The following GPR158 variants were observed in gnomAD, a reference collection of about 807,000 sequenced individuals.
GPR158 encodes the protein metabotropic glycine receptor.
In GPR158, 30 loss-of-function variants were observed where a neutral mutation model predicts 78.2. The observed-to-expected ratio is 0.38, with a 90% CI of 0.29 to 0.52. The LOEUF (loss-of-function observed/expected upper bound fraction) is 0.52. Among genes scored for constraint, GPR158 ranks in the 20% least tolerant of loss-of-function variants. The pLI, the probability that GPR158 is intolerant of heterozygous loss-of-function variation, is 0.83. For synonymous variants in GPR158, 581 were observed against 591.1 expected, an observed-to-expected ratio of 0.98 and a Z score of 0.25; for missense variants, 1,463 against 1,523.5, an observed-to-expected ratio of 0.96 and a Z score of 0.66.
At chr10:25,341,864 A>G (rs1435974259) in intron 2 of GPR158, among the ~76,000 whole-genome samples, 1 of 151,874 alleles carries the variant, frequency 6.6e-6, no homozygotes, top group Admixed American at 6.6e-5. Flanking sequence ...AAAAAAAAAC[A>G]GAGCAAATGA....
chr10:25,392,824 A>T (rs919961119), intron 2 of GPR158, among the ~76,000 whole-genome samples: 3 of 150,670 alleles, frequency 2.0e-5, no homozygotes, highest in Non-Finnish European at 4.4e-5. Context: ...AATTCTTCAT[A>T]AAAAAAAATA....
intron 2 of GPR158, among the ~76,000 whole-genome samples, chr10:25,372,848 T>TAAAGTG (rs56306794): frequency 6.6e-6 from 1 of 151,272 alleles, no homozygotes; most frequent in Non-Finnish European, 1.5e-5. Context: ...CCCTAAAACT[T>TAAAGTG]TAATAATAAT....
Position 25,596,693 on chromosome 10 carries a change from T to C in GPR158, c.2049T>C (p.Tyr683=), listed in dbSNP as rs749173241. Residue 683 remains tyrosine, a synonymous_variant, in exon 10 of 11, where the codon TAT becomes TAC. Transcript: ENST00000376351. The part of the protein sequence containing the change: ...NPRDDIATEA[Y]EDELDMGRSG... ...GAGATGATATTGCTACAGAAGCATA[T>C]GAGGATGAGCTAGACATGGGCCGAT... 1.2e-6 allele frequency: 2 copies of C among 1,613,350 alleles called. No homozygotes were observed. The highest frequency in any genetic ancestry group is 1.7e-6 in the Non-Finnish European group (2 of 1,179,502).
chr10:25,350,316 G>T (rs1197125294), intron 2 of GPR158, among the ~76,000 whole-genome samples: 1 of 151,898 alleles, frequency 6.6e-6, no homozygotes, highest in Non-Finnish European at 1.5e-5. Flanking sequence ...ATAAAATTTT[G>T]TTGGCAGGGT....
At position 25,466,677 on chromosome 10, in the gene GPR158, G is replaced by C. The variant is rs150066085; in HGVS notation, c.1362G>C (p.Leu454=). 341 of 1,607,350 alleles carry C rather than the reference G, an allele frequency of 2.1e-4. 1 individual carries two copies. The African/African-American group carries it at 3.9e-3, about 18-fold the overall frequency. The change falls in exon 5 of 11, where the codon CTG becomes CTC. Residue 454 remains leucine, a synonymous_variant. Transcript: ENST00000376351. The part of the protein sequence containing the change: ...AKSIRASGLI[L]LETILFGSLL... ...GCATCCGGGCATCGGGCCTTATCCT[G>C]TTGGAAACGATCCTTTTTGGATCTC... is the stretch of plus-strand genomic sequence containing the variant.
chr10:25,478,518 G>GTGTGTC lies in GPR158; in HGVS notation c.1404+11804_1404+11805insCTGTGT, dbSNP rs1554807431. Among the ~76,000 whole-genome samples the GTGTGTC allele has an allele frequency of 2.8e-3, 418 of 150,414 alleles. 57 individuals are homozygous for GTGTGTC. The highest frequency in any genetic ancestry group is 0.023 in the East Asian group (117 of 5,072). The stretch of plus-strand genomic sequence containing the variant: ...CGTGTGTGTGTGTGTGTGTGTGTGT[G>GTGTGTC]TGTGTGTGTAGAGAGAAGAGAAAGA... On this transcript the variant is annotated intron_variant, in intron 5 of 10. Coordinates refer to ENST00000376351, the MANE Select transcript of GPR158 (RefSeq NM_020752.3).
intron 5 of GPR158, among the ~76,000 whole-genome samples, chr10:25,483,130 C>G (rs573646703): frequency 6.6e-5 from 10 of 152,110 alleles, no homozygotes; most frequent in African/African-American, 2.4e-4. Flanking sequence ...ATTTTCAACA[C>G]AGTAGCAAGA....
rs1056396943 is a variant in GPR158, at chr10:25,538,201, G to A, written c.1405-12775G>A. On this transcript the variant is annotated intron_variant, in intron 5 of 10. Transcript: ENST00000376351. ...AACAAGAAGCCAAATCAGAGCCAAA[G>A]CTTCAGATTTGCCGTTGTTGTTGTT... Among the ~76,000 whole-genome samples, 46 of 149,746 alleles carry A rather than the reference G, an allele frequency of 3.1e-4. 1 individual carries two copies. The highest frequency in any genetic ancestry group is 9.0e-5 in the Non-Finnish European group (6 of 66,948).
chr10:25,433,858 T>A (rs537243157), intron 4 of GPR158, among the ~76,000 whole-genome samples: 250 of 151,916 alleles, frequency 1.6e-3, no homozygotes, highest in African/African-American at 5.8e-3. Context: ...TGTGTTCTCC[T>A]TAAGAATATC....
At chr10:25,480,184 G>C (rs1835646693) in intron 5 of GPR158, among the ~76,000 whole-genome samples, 1 of 152,044 alleles carries the variant, frequency 6.6e-6, no homozygotes, top group Admixed American at 6.6e-5. Flanking sequence ...TTACCTACTT[G>C]AATCTTTATC....
intron 3 of GPR158, among the ~76,000 whole-genome samples, chr10:25,402,809 T>C (rs999295265): frequency 6.6e-6 from 1 of 151,962 alleles, no homozygotes; most frequent in Non-Finnish European, 1.5e-5. Context: ...ACTTAAATAT[T>C]TCAATAATTG....
intron 4 of GPR158, among the ~76,000 whole-genome samples, chr10:25,421,203 G>A (rs866812583): frequency 2.6e-5 from 4 of 152,000 alleles, no homozygotes; most frequent in Admixed American, 6.6e-5. Flanking sequence ...TAAGTATTAC[G>A]ATATATCACT....
At chr10:25,264,745 A>G (rs1854019610) in intron 2 of GPR158, among the ~76,000 whole-genome samples, 1 of 152,208 alleles carries the variant, frequency 6.6e-6, no homozygotes. Flanking sequence ...ACTTTTGTCG[A>G]TAGTATCTTG....
intron 7 of GPR158, among the ~76,000 whole-genome samples, chr10:25,573,310 A>G (rs1166459402): frequency 6.6e-6 from 1 of 152,248 alleles, no homozygotes. Flanking sequence ...CAGACTTGAT[A>G]TGTAGGGCAG....
chr10:25,457,548 TAGC>T (rs557943610), intron 4 of GPR158, among the ~76,000 whole-genome samples: 202 of 152,274 alleles, frequency 1.3e-3, no homozygotes, highest in African/African-American at 4.8e-3. Flanking sequence ...TACAGAGAAG[TAGC>T]AGCTAATTTT....
intron 2 of GPR158, among the ~76,000 whole-genome samples, chr10:25,386,252 T>C (rs1047698156): frequency 1.3e-5 from 2 of 152,140 alleles, no homozygotes; most frequent in Non-Finnish European, 2.9e-5. Context: ...ATTTGAACAT[T>C]ATATGTAAGG....
At chr10:25,551,767 C>T (rs1564487523) in intron 6 of GPR158, among the ~76,000 whole-genome samples, 1 of 152,086 alleles carries the variant, frequency 6.6e-6, no homozygotes, top group Admixed American at 6.6e-5. Context: ...AAGAAAGTCT[C>T]AATTAAGTGG....
intron 5 of GPR158, among the ~76,000 whole-genome samples, chr10:25,470,802 C>T (rs1044113429): frequency 2.0e-5 from 3 of 152,092 alleles, no homozygotes; most frequent in Admixed American, 6.6e-5. Flanking sequence ...TCTGAAATGA[C>T]CTCAGTAACC....
intron 2 of GPR158, among the ~76,000 whole-genome samples, chr10:25,248,942 C>T (rs1045439771): frequency 1.3e-5 from 2 of 150,858 alleles, no homozygotes; most frequent in African/African-American, 4.9e-5. Context: ...TCTTCCTACC[C>T]ATGAGCATGG....
Sources: gnomAD v4.1 joint callset for allele counts (sites outside exome capture counted in the v4.1 genomes callset) on GRCh38, gnomAD v4.1.1 for gene constraint, MANE v1.5 for transcripts, NCBI Gene and HGNC (gene_info 2026-07-23, HGNC 2026-07-21) for gene names.